Variants in CAMTA1 observed in about 807,000 individuals in gnomAD.
The protein encoded by CAMTA1 is calmodulin-binding transcription activator 1.
A neutral mutation model predicts 170.9 loss-of-function variants in CAMTA1; 27 were observed. That is an observed-to-expected ratio of 0.16 (90% CI 0.12 to 0.22). The LOEUF (loss-of-function observed/expected upper bound fraction) is 0.22. Ranked by LOEUF, CAMTA1 falls within the 10% of genes least tolerant of loss-of-function variation. The pLI is 1.00. For synonymous variants in CAMTA1, 833 were observed against 891.5 expected (o/e 0.93, Z 1.17); for missense variants, 1,619 against 2,217.2 (o/e 0.73, Z 5.42).
intron 5 of CAMTA1, among the ~76,000 whole-genome samples, chr1:7,320,842 G>A (rs1298872920): frequency 6.6e-6 from 1 of 151,970 alleles, no homozygotes; most frequent in African/African-American, 2.4e-5. Flanking sequence ...TTGGGCCCAT[G>A]GGCTCAGTGG....
At chr1:7,620,217 CA>C (rs2095588258) in intron 6 of CAMTA1, among the ~76,000 whole-genome samples, 1 of 152,182 alleles carries the variant, frequency 6.6e-6, no homozygotes, top group Admixed American at 6.5e-5. Flanking sequence ...GGACATTTGG[CA>C]ATGTCTGAAG....
At chr1:7,055,590 G>T (rs1260565019) in intron 3 of CAMTA1, among the ~76,000 whole-genome samples, 2 of 152,220 alleles carry the variant, frequency 1.3e-5, no homozygotes, top group Admixed American at 1.3e-4. Flanking sequence ...TTCTGTGCCG[G>T]ATGCCATGGG....
At chr1:7,270,291 A>ATTTTTTTTTT (rs34768255) in intron 5 of CAMTA1, among the ~76,000 whole-genome samples, 2 of 110,570 alleles carry the variant, frequency 1.8e-5, no homozygotes, top group African/African-American at 6.7e-5. Context: ...ATATATATAT[A>ATTTTTTTTTT]TTTTTTTTTT....
intron 6 of CAMTA1, among the ~76,000 whole-genome samples, chr1:7,617,129 C>A (rs1049162759): frequency 5.9e-5 from 9 of 152,312 alleles, no homozygotes; most frequent in Admixed American, 3.9e-4. Context: ...GGTTCGGCCA[C>A]GGGATGCCTG....
chr1:7,157,216 G>A (rs1218785502), intron 4 of CAMTA1, among the ~76,000 whole-genome samples: 2 of 151,432 alleles, frequency 1.3e-5, no homozygotes, highest in East Asian at 1.9e-4. Context: ...GTGGTGGCAG[G>A]CACCTGTAGT....
chr1:6,931,116 A>G (rs1165186565), intron 3 of CAMTA1, among the ~76,000 whole-genome samples: 2 of 152,220 alleles, frequency 1.3e-5, no homozygotes, highest in Non-Finnish European at 2.9e-5. Context: ...TCATACCCCC[A>G]GTGGTTAACC....
At chr1:7,285,117 C>T (rs539555671) in intron 5 of CAMTA1, among the ~76,000 whole-genome samples, 2 of 152,268 alleles carry the variant, frequency 1.3e-5, no homozygotes, top group Admixed American at 1.3e-4. Flanking sequence ...AGATGTTCAG[C>T]CTGATGGGAG....
At chr1:7,294,003 A>G (rs1673554832) in intron 5 of CAMTA1, among the ~76,000 whole-genome samples, 1 of 152,222 alleles carries the variant, frequency 6.6e-6, no homozygotes, top group Non-Finnish European at 1.5e-5. Flanking sequence ...GGGGAAGCAC[A>G]GTTGTGTCCA....
chr1:7,276,303 A>ATATATAATTTTTTTTTTTTTTTTTTTTTT, intron 5 of CAMTA1, among the ~76,000 whole-genome samples: 1 of 24,228 alleles, frequency 4.1e-5, no homozygotes, highest in African/African-American at 3.0e-4. Context: ...ATATATATAT[A>ATATATAATTTTTTTTTTTTTTTTTTTTTT]TTTTTTTTTT....
At chr1:7,043,879 C>T (rs974755283) in intron 3 of CAMTA1, among the ~76,000 whole-genome samples, 1 of 152,274 alleles carries the variant, frequency 6.6e-6, no homozygotes, top group Middle Eastern at 3.4e-3. Context: ...CCCGAGTTGC[C>T]GGAACACAGA....
At chr1:7,340,548 G>T (rs61244940) in intron 5 of CAMTA1, among the ~76,000 whole-genome samples, 2 of 102,502 alleles carry the variant, frequency 2.0e-5, no homozygotes, top group Non-Finnish European at 4.1e-5. Context: ...CTGCCTGCCT[G>T]CCTGCCTCCC....
intron 3 of CAMTA1, among the ~76,000 whole-genome samples, chr1:6,945,938 G>T (rs1687504045): frequency 6.6e-6 from 1 of 152,142 alleles, no homozygotes; most frequent in African/African-American, 2.4e-5. Flanking sequence ...CCACTTTTGG[G>T]CTATGATGAA....
intron 4 of CAMTA1, among the ~76,000 whole-genome samples, chr1:7,197,179 A>G (rs1655676209): frequency 6.6e-6 from 1 of 152,204 alleles, no homozygotes; most frequent in African/African-American, 2.4e-5. Flanking sequence ...TCATAGGAAG[A>G]TGAAGCTGTG....
At chr1:6,789,147 T>A (rs1054481486) in intron 1 of CAMTA1, among the ~76,000 whole-genome samples, 4 of 152,142 alleles carry the variant, frequency 2.6e-5, no homozygotes, top group Non-Finnish European at 5.9e-5. Flanking sequence ...AGTGTTGACA[T>A]ACACAGAGCA....
chr1:7,073,800 G>A (rs1013333053), intron 3 of CAMTA1, among the ~76,000 whole-genome samples: 1 of 152,182 alleles, frequency 6.6e-6, no homozygotes, highest in Non-Finnish European at 1.5e-5. Flanking sequence ...GAGAATGGAA[G>A]GAGAGAACTT....
intron 3 of CAMTA1, among the ~76,000 whole-genome samples, chr1:7,030,857 T>C (rs1246026396): frequency 6.6e-6 from 1 of 151,536 alleles, no homozygotes; most frequent in Non-Finnish European, 1.5e-5. Flanking sequence ...TTTTTTGAGA[T>C]GGATCCTTGC....
At chr1:7,676,357 A>G (rs2096120701) in intron 10 of CAMTA1, among the ~76,000 whole-genome samples, 1 of 152,192 alleles carries the variant, frequency 6.6e-6, no homozygotes, top group Admixed American at 6.5e-5. Flanking sequence ...GGAAAAACCC[A>G]TGGGTCCCCT....
At chr1:6,936,998 C>CA (rs1332907264) in intron 3 of CAMTA1, among the ~76,000 whole-genome samples, 3 of 151,378 alleles carry the variant, frequency 2.0e-5, no homozygotes, top group East Asian at 3.9e-4. Flanking sequence ...AAAAAAAAGA[C>CA]AAAAAAAACA....
chr1:7,498,216 ATG>A (rs1434336586), intron 6 of CAMTA1, among the ~76,000 whole-genome samples: 4 of 147,748 alleles, frequency 2.7e-5, no homozygotes, highest in African/African-American at 5.1e-5. Flanking sequence ...GACAGTGTGG[ATG>A]TGTGTGTATG....
Sources: allele counts gnomAD v4.1 joint callset (sites outside exome capture counted in the v4.1 genomes callset), GRCh38; gene constraint gnomAD v4.1.1; transcripts MANE v1.5; gene names NCBI Gene and HGNC (gene_info 2026-07-23, HGNC 2026-07-21).